The following PTCH1 variants were observed in gnomAD, a reference collection of about 807,000 sequenced individuals.
PTCH1 encodes the protein patched 1, also known as protein patched homolog 1.
PTCH1 carries 14 observed loss-of-function variants against 144.6 expected under a neutral mutation model. That is an observed-to-expected ratio of 0.10 (90% CI 0.06 to 0.15). The LOEUF is 0.15. Ranked by LOEUF, PTCH1 falls within the 10% of genes least tolerant of loss-of-function variation. PTCH1 has a pLI of 1.00. For missense variants in PTCH1, 1,623 were observed against 1,948.3 expected (o/e 0.83, Z 3.14); for synonymous variants, 833 against 793.6 (o/e 1.05, Z -0.83).
chr9:95,506,422 C>T lies in PTCH1; in HGVS notation c.379G>A (p.Glu127Lys), dbSNP rs774822170. The change falls in exon 2 of 24, where the codon GAG becomes AAG. Residue 127 changes from glutamate to lysine, a missense_variant. Physicochemically the swap from Glu to Lys is moderately conservative, Grantham distance 56. This residue lies in a region of PTCH1 where 245 missense variants were observed against 240.6 expected (regional missense o/e 1.02). Coordinates refer to ENST00000331920, the MANE Select transcript of PTCH1 (RefSeq NM_000264.5). ...KAANLETNVE[E>K]LWVEVGGRVS... ...GCGCTCTTACCTTCCACCCACAGCT[C>T]CTCCACGTTGGTCTCGAGGTTCGCT... The T allele has an allele frequency of 4.3e-6, 7 of 1,611,872 alleles. No homozygotes were observed. The highest frequency in any genetic ancestry group is 4.0e-5 in the African/African-American group (3 of 74,846).
chr9:95,506,273 T>A, intron 2 of PTCH1, 134 bp downstream of exon 2: 1 of 1,063,392 alleles, frequency 9.4e-7, no homozygotes, highest in South Asian at 1.6e-5. Context: ...GCCCAAACAA[T>A]AAACAATCCC....
upstream of PTCH1, among the ~76,000 whole-genome samples, chr9:95,509,795 G>A (rs567031926): frequency 6.6e-6 from 1 of 152,102 alleles, no homozygotes; most frequent in African/African-American, 2.4e-5. Flanking sequence ...TAATGACAGC[G>A]TGCTGGATAG....
rs750746455 is a variant in PTCH1, at chr9:95,476,734, C to G, written c.1602+25G>C. 6 of 1,598,908 alleles carry G rather than the reference C, an allele frequency of 3.8e-6. No individual in the cohort carries two copies. Among genetic ancestry groups the G allele is most frequent in the Non-Finnish European group, 5.1e-6 (6 of 1,167,990 alleles). Reference sequence around the variant, plus strand: ...AGAGGAAGCTGTGATGTCCCCAAAGCTCTCTTCTTTTGTTTTTGCATTACC... The same window carrying G: ...AGAGGAAGCTGTGATGTCCCCAAAGGTCTCTTCTTTTGTTTTTGCATTACC... On this transcript the variant is annotated intron_variant, in intron 11 of 23. Transcript: ENST00000331920. The surrounding 1 kb of genome is among the most constrained non-coding windows in gnomAD (Gnocchi z 4.6).
In PTCH1 at chr9:95,458,061, G is replaced by C; in HGVS notation, c.3120C>G (p.Phe1040Leu). ...LFISVVLACT[F>L]LVCAVFLLNP... The stretch of plus-strand genomic sequence containing the variant: ...TCAGAAGGAAGACAGCGCACACGAG[G>C]AATGTGCAGGCCAACACCACGCTGA... The change falls in exon 18 of 24, where the codon TTC becomes TTG. Residue 1040 changes from phenylalanine (F) to leucine (L), a missense_variant. By Grantham distance (22) the Phe-to-Leu change is conservative (BLOSUM62 0). Coordinates refer to ENST00000331920, the MANE Select transcript of PTCH1 (RefSeq NM_000264.5). The surrounding 1 kb of genome is among the most constrained non-coding windows in gnomAD (Gnocchi z 4.7). 1.2e-6 allele frequency: 2 copies of C among 1,614,206 alleles called. No homozygotes were observed. The highest frequency in any genetic ancestry group is 1.7e-6 in the Non-Finnish European group (2 of 1,180,050).
upstream of PTCH1, among the ~76,000 whole-genome samples, chr9:95,510,002 TAAAAA>T (rs71498965): frequency 3.6e-5 from 5 of 138,638 alleles, no homozygotes; most frequent in African/African-American, 1.1e-4. Flanking sequence ...CCCCCCAACT[TAAAAA>T]AAAAAAAAAC....
At chr9:95,462,461 C>G in intron 15 of PTCH1, among the ~76,000 whole-genome samples, 1 of 152,130 alleles carries the variant, frequency 6.6e-6, no homozygotes, top group East Asian at 1.9e-4. Context: ...TCAGCTGCTT[C>G]TGGAGCCCAG....
intron 1 of PTCH1, chr9:95,506,954 A>T: frequency 9.8e-7 from 1 of 1,021,902 alleles, no homozygotes; most frequent in Non-Finnish European, 1.2e-6. Context: ...CTGAGAAGGG[A>T]GGGGCTGCGT....
chr9:95,448,494 T>C (rs112882453), intron 22 of PTCH1, among the ~76,000 whole-genome samples: 24 of 152,306 alleles, frequency 1.6e-4, no homozygotes, highest in African/African-American at 5.5e-4. Flanking sequence ...CCTGAATCAC[T>C]GAAGGCTAAG....
At chr9:95,483,410 G>GAAAA (rs113335239) in intron 3 of PTCH1, 1 of 109,834 alleles carries the variant, frequency 9.1e-6, no homozygotes, top group Admixed American at 9.2e-5. Context: ...CCAAGGGAAG[G>GAAAA]AAAAAAAAAA....
At chr9:95,510,284 T>G (rs981416057), upstream of PTCH1, among the ~76,000 whole-genome samples, 6 of 152,220 alleles carry the variant, frequency 3.9e-5, no homozygotes, top group African/African-American at 7.2e-5. Context: ...AAACTCGGTA[T>G]GCATGTTATA....
At position 95,476,168 on chromosome 9, in the gene PTCH1, A is replaced by T. The variant is rs1471375018; in HGVS notation, c.1603-9T>A. On this transcript the variant is annotated splice_polypyrimidine_tract_variant and intron_variant, in intron 11 of 23. Transcript: ENST00000331920. This position sits in a 1 kb window ranked among gnomAD's most constrained non-coding sequence, Gnocchi z 4.6. ...CACTCCCCGGTCCTGTCCTGGGAAT[A>T]AAAAAACACAGCGCTGAGAGCTGCA... 3.7e-6 allele frequency: 6 copies of T among 1,609,344 alleles called. No individual in the cohort carries two copies. Among genetic ancestry groups the T allele is most frequent in the Non-Finnish European group, 5.1e-6 (6 of 1,178,212 alleles).
intron 16 of PTCH1, among the ~76,000 whole-genome samples, chr9:95,460,164 T>G (rs1001666604): frequency 6.6e-6 from 1 of 152,226 alleles, no homozygotes; most frequent in Non-Finnish European, 1.5e-5. Context: ...GCAGTTAACC[T>G]CTGTTGTTAA....
rs1395594377 is a variant in PTCH1, at chr9:95,444,167, T to C, written c.*2226A>G. 1.3e-5 allele frequency: 2 copies of C among 151,702 alleles called. No individual in the cohort carries two copies. The highest frequency in any genetic ancestry group is 4.9e-5 in the African/African-American group (2 of 41,158). 9.4% of individuals were successfully genotyped at this position (151,702 alleles called of 1,614,324 possible). Reference sequence around the variant, plus strand: ...AAACAGGACAGACAAAATAAAACTATTAAAAGAGAGAGAGAAATTCTAATT... The same window carrying C: ...AAACAGGACAGACAAAATAAAACTACTAAAAGAGAGAGAGAAATTCTAATT... On this transcript the variant is annotated 3_prime_UTR_variant, in exon 24 of 24. Coordinates refer to ENST00000331920, the MANE Select transcript of PTCH1 (RefSeq NM_000264.5).
At chr9:95,446,841 C>A in intron 23 of PTCH1, 70 bp downstream of exon 23, 3 of 1,599,282 alleles carry the variant, frequency 1.9e-6, no homozygotes, top group Non-Finnish European at 2.6e-6. Flanking sequence ...TGCCGAGAAC[C>A]CCAGGAGAAC....
intron 17 of PTCH1, among the ~76,000 whole-genome samples, chr9:95,459,038 T>C (rs567735241): frequency 6.6e-6 from 1 of 152,338 alleles, no homozygotes; most frequent in Non-Finnish European, 1.5e-5. Context: ...CATACGCTAC[T>C]AATATCTCCA....
upstream of PTCH1, chr9:95,513,968 C>G (rs1303913168): frequency 6.6e-6 from 1 of 152,260 alleles, no homozygotes; most frequent in Non-Finnish European, 1.5e-5. Flanking sequence ...CCCGGGAGCA[C>G]TGGCATTTTT....
intron 15 of PTCH1, among the ~76,000 whole-genome samples, chr9:95,466,653 A>G (rs1840027973): frequency 6.6e-6 from 1 of 152,224 alleles, no homozygotes; most frequent in Non-Finnish European, 1.5e-5. Context: ...AATTAGAAAT[A>G]GATAATTTTT....
intron 12 of PTCH1, among the ~76,000 whole-genome samples, chr9:95,471,263 A>G (rs1288387926): frequency 2.0e-5 from 3 of 152,192 alleles, no homozygotes; most frequent in Non-Finnish European, 1.5e-5. Context: ...GGGAATTGTG[A>G]GTTTATGCTG....
Position 95,447,215 on chromosome 9 carries a change from G to T in PTCH1, c.4041C>A (p.His1347Gln), listed in dbSNP as rs774524114. The change falls in exon 23 of 24, where the codon CAC (histidine) becomes CAA (glutamine). Residue 1347 changes from histidine (H) to glutamine (Q), a missense_variant. Coordinates refer to ENST00000331920, the MANE Select transcript of PTCH1 (RefSeq NM_000264.5). ...ARWGPRGARS[H>Q]NPRNPASTAM... ...CAGTGGACGCTGGGTTCCGAGGGTT[G>T]TGAGAACGGGCCCCGCGAGGGCCCC... 1.4e-5 allele frequency: 22 copies of T among 1,612,976 alleles called. No individual in the cohort carries two copies. In the Admixed American group the frequency reaches 2.8e-4, roughly 21 times the overall value.
Sources: gnomAD v4.1 joint callset for allele counts (sites outside exome capture counted in the v4.1 genomes callset) on GRCh38, gnomAD v4.1.1 for gene constraint, gnomAD v4.1.1 regional missense constraint, Gnocchi (gnomAD v3.1) non-coding constraint, MANE v1.5 for transcripts, NCBI Gene and HGNC (gene_info 2026-07-23, HGNC 2026-07-21) for gene names.